The following MME variants were observed in gnomAD, a reference collection of about 807,000 sequenced individuals.
MME encodes neprilysin.
Under a neutral mutation model 113.2 loss-of-function variants are expected in MME, and 98 were observed. The observed-to-expected ratio is 0.87, with a 90% CI of 0.74 to 1.02. The LOEUF is 1.02. Among genes scored for constraint, MME ranks in the 50% least tolerant of loss-of-function variants. The pLI is 0.00. For synonymous variants in MME, 292 were observed against 300.6 expected (o/e 0.97, Z 0.30); for missense variants, 836 against 896.0 (o/e 0.93, Z 0.86).
intron 1 of MME, among the ~76,000 whole-genome samples, chr3:155,066,134 A>G (rs1372461628): frequency 2.0e-5 from 3 of 152,244 alleles, no homozygotes; most frequent in African/African-American, 7.2e-5. Flanking sequence ...AATATTCTAC[A>G]GTCCACAAAT....
At position 155,116,543 on chromosome 3, in the gene MME, G is replaced by A. The variant is rs770360603; in HGVS notation, c.423G>A (p.Arg141=). The A allele has an allele frequency of 1.9e-6, 3 of 1,610,230 alleles. No homozygotes were observed. The highest frequency in any genetic ancestry group is 2.2e-5 in the East Asian group (1 of 44,744). The change falls in exon 5 of 23, where the codon AGG becomes AGA. Residue 141 remains arginine, a synonymous_variant. Coordinates refer to ENST00000360490, the MANE Select transcript of MME (RefSeq NM_007289.4). The part of the protein sequence containing the change: ...VAVQKAKALY[R]SCINESAIDS... ...TGCAGAAAGCAAAAGCATTGTACAG[G>A]TCTTGTATAAATGAATGTAAGTGCT...
intron 9 of MME, among the ~76,000 whole-genome samples, chr3:155,138,906 A>T (rs1720845871): frequency 6.6e-6 from 1 of 152,064 alleles, no homozygotes; most frequent in Admixed American, 6.6e-5. Context: ...GTTACTGATT[A>T]AACCCATCGT....
chr3:155,132,226 G>T (rs1576624776), intron 8 of MME, among the ~76,000 whole-genome samples: 1 of 152,218 alleles, frequency 6.6e-6, no homozygotes, highest in Non-Finnish European at 1.5e-5. Flanking sequence ...AAGTTTGAAG[G>T]ACAGTAGTCA....
intron 14 of MME, 25 bp from the exon 15 acceptor site, chr3:155,147,119 A>T: frequency 7.1e-7 from 1 of 1,417,820 alleles, no homozygotes; most frequent in Non-Finnish European, 1.0e-6. Flanking sequence ...AATCATCTTC[A>T]CATTCAATAT....
intron 3 of MME, among the ~76,000 whole-genome samples, chr3:155,114,408 A>G (rs143907344): frequency 2.6e-5 from 4 of 152,350 alleles, no homozygotes; most frequent in Middle Eastern, 3.4e-3. Flanking sequence ...ATAAGCTTAC[A>G]GCCAGTTTTA....
Position 155,085,039 on chromosome 3 carries a change from A to T in MME, c.161-20A>T, listed in dbSNP as rs780349049. 17 of 1,547,928 alleles carry T rather than the reference A, an allele frequency of 1.1e-5. No individual in the cohort carries two copies. The highest frequency in any genetic ancestry group is 1.4e-5 in the Non-Finnish European group (16 of 1,129,152). Reference sequence around the variant, plus strand: ...AAATTTGTGTTGCCAATATTTATGTATATTCTCTCCTTTTTCTAGATGGTA... The same window carrying T: ...AAATTTGTGTTGCCAATATTTATGTTTATTCTCTCCTTTTTCTAGATGGTA... On this transcript the variant is annotated intron_variant, in intron 2 of 22. Coordinates refer to ENST00000360490, the MANE Select transcript of MME (RefSeq NM_007289.4).
intron 3 of MME, among the ~76,000 whole-genome samples, chr3:155,101,404 G>A (rs1034586628): frequency 6.6e-6 from 1 of 152,138 alleles, no homozygotes; most frequent in Non-Finnish European, 1.5e-5. Flanking sequence ...AACTCCAGCT[G>A]TAGGATCAGT....
intron 20 of MME, among the ~76,000 whole-genome samples, chr3:155,169,346 T>C (rs1372747763): frequency 1.3e-5 from 2 of 152,190 alleles, no homozygotes; most frequent in Non-Finnish European, 2.9e-5. Context: ...AGAGGACTAT[T>C]AACAGTGGAG....
chr3:155,139,233 C>T (rs1019796416), intron 9 of MME, among the ~76,000 whole-genome samples: 1 of 152,220 alleles, frequency 6.6e-6, no homozygotes, highest in East Asian at 1.9e-4. Context: ...CCAGACCATG[C>T]GCTCCTTTGA....
At chr3:155,133,039 T>TAAA (rs796968290) in intron 8 of MME, among the ~76,000 whole-genome samples, 712 of 47,792 alleles carry the variant, frequency 0.015, 23 homozygotes, top group Non-Finnish European at 0.021. Context: ...AAACCCCGTC[T>TAAA]AAAAAAAAAA....
intron 1 of MME, among the ~76,000 whole-genome samples, chr3:155,069,574 C>T (rs78192752): frequency 0.03 from 4,527 of 152,172 alleles, 107 homozygotes; most frequent in South Asian, 0.099. Context: ...TAATATTATT[C>T]GTATCATTCC....
At chr3:155,049,287 A>G (rs890012575) in intron 1 of MME, among the ~76,000 whole-genome samples, 3 of 152,138 alleles carry the variant, frequency 2.0e-5, no homozygotes, top group Non-Finnish European at 2.9e-5. Context: ...GTCCCAAGAG[A>G]GTACCCTTAT....
At chr3:155,165,873 A>G (rs1723053779) in intron 17 of MME, among the ~76,000 whole-genome samples, 1 of 152,228 alleles carries the variant, frequency 6.6e-6, no homozygotes, top group Non-Finnish European at 1.5e-5. Flanking sequence ...CCATTAGCAG[A>G]AATAATACAA....
chr3:155,151,080 A>C (rs567665407), intron 16 of MME, among the ~76,000 whole-genome samples: 133 of 152,324 alleles, frequency 8.7e-4, no homozygotes, highest in African/African-American at 3.0e-3. Context: ...GTCTAAAAAA[A>C]AAAATGTAAT....
At chr3:155,160,567 A>G (rs1441071882) in intron 17 of MME, 119 bp downstream of exon 17, 8 of 701,120 alleles carry the variant, frequency 1.1e-5, no homozygotes, top group South Asian at 1.6e-5. Context: ...TTATTGCTCT[A>G]TTGAATGCAT....
intron 10 of MME, 145 bp from the exon 11 acceptor site, chr3:155,141,846 G>A (rs1721112771): frequency 1.2e-6 from 1 of 869,060 alleles, no homozygotes; most frequent in African/African-American, 1.7e-5. Flanking sequence ...TGCAGAACTA[G>A]TTTTTATTTA....
In MME at chr3:155,132,879, C is replaced by A. The variant is rs1379202657; in HGVS notation, c.721-5223C>A. ...GACCAGCCTGACCAACGTAGTGAAA[C>A]CCCGTCTCTACTAAATACAAAAAAT... On this transcript the variant is annotated intron_variant, in intron 8 of 22. Coordinates refer to ENST00000360490, the MANE Select transcript of MME (RefSeq NM_007289.4). 1.8e-4 allele frequency among the ~76,000 whole-genome samples: 27 copies of A among 151,076 alleles called. No homozygotes were observed. The East Asian group carries it at 5.3e-3, about 29-fold the overall frequency.
chr3:155,165,339 T>A (rs1334814980), intron 17 of MME, among the ~76,000 whole-genome samples: 1 of 152,182 alleles, frequency 6.6e-6, no homozygotes, highest in Non-Finnish European at 1.5e-5. Flanking sequence ...GAAGATACTC[T>A]CCATCTTTTA....
intron 3 of MME, chr3:155,112,417 C>T (rs1308317164): frequency 6.6e-6 from 1 of 152,152 alleles, no homozygotes; most frequent in African/African-American, 2.4e-5. Context: ...TGAATATACT[C>T]ATTTAACTGT....
Sources: allele counts gnomAD v4.1 joint callset (sites outside exome capture counted in the v4.1 genomes callset), GRCh38; gene constraint gnomAD v4.1.1; transcripts MANE v1.5; gene names NCBI Gene and HGNC (gene_info 2026-07-23, HGNC 2026-07-21).